Variants in CADM2 observed in about 807,000 individuals in gnomAD.
CADM2 encodes cell adhesion molecule 2.
In CADM2, 12 loss-of-function variants were observed where a neutral mutation model predicts 49.8. That is an observed-to-expected ratio of 0.24 (90% CI 0.15 to 0.39). The LOEUF (loss-of-function observed/expected upper bound fraction) is 0.39, where lower values mean the gene tolerates loss of function less well. CADM2 is among the 10% of genes least tolerant of loss of function. CADM2 has a pLI of 1.00. For missense variants in CADM2, 378 were observed against 492.3 expected (o/e 0.77, Z 2.20); for synonymous variants, 214 against 175.4 (o/e 1.22, Z -1.74).
chr3:85,336,352 G>A lies in CADM2; in HGVS notation c.61+376684G>A, dbSNP rs538252368. On this transcript the variant is annotated intron_variant, in intron 1 of 9. Coordinates refer to ENST00000383699, the MANE Select transcript of CADM2 (RefSeq NM_001167675.2). ...ATAATAGGTTGCAATAATTTTATTT[G>A]TTATAGGCCAGTTAAATTATAATTA... is the stretch of plus-strand genomic sequence containing the variant. 5.3e-5 allele frequency among the ~76,000 whole-genome samples: 8 copies of A among 151,394 alleles called. No individual in the cohort carries two copies. The South Asian group carries it at 1.7e-3, about 31-fold the overall frequency.
chr3:85,721,339 G>T (rs550187966), intron 1 of CADM2, among the ~76,000 whole-genome samples: 1 of 152,124 alleles, frequency 6.6e-6, no homozygotes, highest in African/African-American at 2.4e-5. Flanking sequence ...TGGGATCTTT[G>T]GGGTGTCGTT....
At chr3:85,450,381 A>G (rs551400911) in intron 1 of CADM2, among the ~76,000 whole-genome samples, 1 of 152,246 alleles carries the variant, frequency 6.6e-6, no homozygotes, top group Non-Finnish European at 1.5e-5. Flanking sequence ...ACATATACAC[A>G]TAAATACGCA....
chr3:85,514,410 C>G (rs2060845428), intron 1 of CADM2, among the ~76,000 whole-genome samples: 1 of 151,984 alleles, frequency 6.6e-6, no homozygotes, highest in Non-Finnish European at 1.5e-5. Context: ...TAAGAGTGAT[C>G]ATCCTGAGGA....
intron 8 of CADM2, among the ~76,000 whole-genome samples, chr3:86,008,068 A>T (rs1286966892): frequency 6.6e-6 from 1 of 152,230 alleles, no homozygotes; most frequent in Non-Finnish European, 1.5e-5. Context: ...ATGAAATTCC[A>T]GCTAACCACA....
At chr3:85,205,101 T>A (rs1174060068) in intron 1 of CADM2, among the ~76,000 whole-genome samples, 1 of 151,188 alleles carries the variant, frequency 6.6e-6, no homozygotes, top group East Asian at 2.0e-4. Context: ...CACTGCAGCC[T>A]CCACCTCATG....
chr3:85,746,155 C>T (rs2068612375), intron 2 of CADM2, among the ~76,000 whole-genome samples: 1 of 152,076 alleles, frequency 6.6e-6, no homozygotes, highest in African/African-American at 2.4e-5. Flanking sequence ...GCAACTAGAA[C>T]CTCATTATGA....
At chr3:85,645,923 T>C (rs1379231154) in intron 1 of CADM2, among the ~76,000 whole-genome samples, 1 of 152,052 alleles carries the variant, frequency 6.6e-6, no homozygotes, top group Non-Finnish European at 1.5e-5. Context: ...ACCCTAGATA[T>C]ACTCCCTATG....
chr3:85,316,391 C>A (rs1266419421), intron 1 of CADM2, among the ~76,000 whole-genome samples: 1 of 152,130 alleles, frequency 6.6e-6, no homozygotes, highest in Non-Finnish European at 1.5e-5. Context: ...TTCTAATCCT[C>A]TGCTTAGTAT....
intron 3 of CADM2, among the ~76,000 whole-genome samples, chr3:85,824,425 A>C (rs4456870): frequency 0.051 from 6,506 of 127,210 alleles, 485 homozygotes; most frequent in African/African-American, 0.18. Context: ...AAAAAACAAA[A>C]AAACTCAAGG....
intron 1 of CADM2, among the ~76,000 whole-genome samples, chr3:85,386,327 A>G (rs1025577877): frequency 1.3e-5 from 2 of 152,156 alleles, no homozygotes; most frequent in Non-Finnish European, 2.9e-5. Context: ...AGAGAATACA[A>G]GAAAGTATAA....
At chr3:85,415,777 A>T (rs1426708253) in intron 1 of CADM2, among the ~76,000 whole-genome samples, 1 of 152,142 alleles carries the variant, frequency 6.6e-6, no homozygotes, top group Admixed American at 6.5e-5. Context: ...CAAATAAGGG[A>T]TTTAAAACTC....
intron 1 of CADM2, among the ~76,000 whole-genome samples, chr3:85,117,564 T>G (rs139593663): frequency 0.011 from 1,655 of 152,246 alleles, 20 homozygotes; most frequent in Non-Finnish European, 0.018. Context: ...TTAAATATAT[T>G]TATCTGAAGT....
chr3:85,622,665 T>G (rs1387509835), intron 1 of CADM2, among the ~76,000 whole-genome samples: 4 of 152,162 alleles, frequency 2.6e-5, no homozygotes, highest in African/African-American at 9.7e-5. Context: ...TGGACTTTAT[T>G]ACTTTTCAAT....
chr3:85,048,808 A>G (rs1359136602), intron 1 of CADM2, among the ~76,000 whole-genome samples: 1 of 152,150 alleles, frequency 6.6e-6, no homozygotes, highest in Non-Finnish European at 1.5e-5. Flanking sequence ...ATACCAAGTA[A>G]CCAGCCACAA....
At chr3:86,023,130 G>A (rs1398033177) in intron 8 of CADM2, among the ~76,000 whole-genome samples, 2 of 151,986 alleles carry the variant, frequency 1.3e-5, no homozygotes, top group Non-Finnish European at 2.9e-5. Context: ...GGAGGAAAAA[G>A]CAAATATCAA....
chr3:85,258,510 A>C (rs2042940602), intron 1 of CADM2, among the ~76,000 whole-genome samples: 3 of 151,960 alleles, frequency 2.0e-5, no homozygotes, highest in Non-Finnish European at 2.9e-5. Context: ...GAAAAAAAAA[A>C]AACTCACAGT....
intron 1 of CADM2, among the ~76,000 whole-genome samples, chr3:84,972,809 AAG>A (rs1449111734): frequency 1.3e-5 from 2 of 152,224 alleles, no homozygotes; most frequent in African/African-American, 4.8e-5. Flanking sequence ...ACAAGATGGA[AAG>A]AGTCTCTGCC....
chr3:85,331,776 A>G (rs1202978817), intron 1 of CADM2, among the ~76,000 whole-genome samples: 1 of 152,024 alleles, frequency 6.6e-6, no homozygotes, highest in African/African-American at 2.4e-5. Flanking sequence ...CATCCTCACC[A>G]GCATTCATTA....
At chr3:85,170,892 A>G (rs1159176753) in intron 1 of CADM2, among the ~76,000 whole-genome samples, 1 of 152,178 alleles carries the variant, frequency 6.6e-6, no homozygotes, top group Non-Finnish European at 1.5e-5. Context: ...CAAAATATGT[A>G]AACCTGTTTT....
Sources: allele counts gnomAD v4.1 joint callset (sites outside exome capture counted in the v4.1 genomes callset), GRCh38; gene constraint gnomAD v4.1.1; transcripts MANE v1.5; gene names NCBI Gene and HGNC (gene_info 2026-07-23, HGNC 2026-07-21).